The following ANO1 variants were observed in gnomAD, a reference collection of about 807,000 sequenced individuals.
ANO1 encodes anoctamin 1.
Under a neutral mutation model 124.0 loss-of-function variants are expected in ANO1, and 59 were observed. That is an observed-to-expected ratio of 0.48 (90% CI 0.39 to 0.59). ANO1 has a LOEUF of 0.59. Among genes scored for constraint, ANO1 ranks in the 20% least tolerant of loss-of-function variants. The probability of loss-of-function intolerance (pLI) is 0.00; values close to 1 mark genes in which losing one functional copy is unlikely to be tolerated. For missense variants in ANO1, 1,059 were observed against 1,328.0 expected (o/e 0.80, Z 3.15); for synonymous variants, 529 against 532.0 (o/e 0.99, Z 0.08).
chr11:70,107,724 A>T (rs2045614844), intron 5 of ANO1, among the ~76,000 whole-genome samples: 1 of 152,146 alleles, frequency 6.6e-6, no homozygotes, highest in African/African-American at 2.4e-5. Context: ...TTCCAGGCAG[A>T]CAGACTCCCA....
upstream of ANO1, among the ~76,000 whole-genome samples, chr11:70,073,904 C>T (rs2044020003): frequency 7.1e-6 from 1 of 140,130 alleles, no homozygotes; most frequent in South Asian, 2.3e-4. Context: ...CTTCGGCCGG[C>T]AGTTTCCGAG....
intron 1 of ANO1, chr11:70,085,395 AG>A (rs983892052): frequency 1.3e-6 from 2 of 1,495,300 alleles, no homozygotes; most frequent in African/African-American, 2.8e-5. Context: ...TTTGTCACAG[AG>A]GGCAAGGTGG....
At chr11:69,996,043 A>G (rs1856265543) in intron 1 of ANO1, among the ~76,000 whole-genome samples, 1 of 152,314 alleles carries the variant, frequency 6.6e-6, no homozygotes, top group South Asian at 2.1e-4. Context: ...CCCAGGAGGT[A>G]GAGGTTGCAG....
chr11:69,995,949 T>G (rs1340980290), intron 1 of ANO1, among the ~76,000 whole-genome samples: 2 of 152,122 alleles, frequency 1.3e-5, no homozygotes, highest in Non-Finnish European at 2.9e-5. Flanking sequence ...CTGTATCTAC[T>G]AAAAATAAAC....
At chr11:70,105,633 T>C in intron 4 of ANO1, 101 bp from the exon 5 acceptor site, 1 of 1,111,518 alleles carries the variant, frequency 9.0e-7, no homozygotes, top group Non-Finnish European at 1.4e-6. Context: ...CATTTCACGG[T>C]CACGGCTAAT....
In ANO1 at chr11:70,152,452, G is replaced by A. The variant is rs776175325; in HGVS notation, c.1344G>A (p.Glu448=). 1.9e-6 allele frequency: 3 copies of A among 1,612,864 alleles called. No homozygotes were observed. The Admixed American group carries it at 5.0e-5, about 27-fold the overall frequency. Residue 448 remains glutamate (E), a splice_region_variant and synonymous_variant, in exon 13 of 26, where the codon GAG becomes GAA. Transcript: ENST00000355303. ...WDLTGFEEEE[E]AVKDHPRAEY... is the part of the protein sequence containing the mutation. ...TTTACTTTTCTGGTTCCCTGAAGGA[G>A]GCTGTCAAGGTTTGGAACTTTTTGT...
intron 14 of ANO1, among the ~76,000 whole-genome samples, chr11:70,153,978 C>A (rs1314965860): frequency 2.0e-5 from 3 of 152,076 alleles, no homozygotes; most frequent in Non-Finnish European, 4.4e-5. Flanking sequence ...GTTGCCCAGG[C>A]TGGTCTCGAA....
intron 11 of ANO1, among the ~76,000 whole-genome samples, chr11:70,146,923 T>C (rs1033922519): frequency 2.0e-5 from 3 of 152,164 alleles, no homozygotes; most frequent in African/African-American, 7.2e-5. Flanking sequence ...GCAGAGGGGA[T>C]GGTGCCCACC....
chr11:70,143,804 T>G (rs988033781), intron 11 of ANO1, among the ~76,000 whole-genome samples: 1 of 152,208 alleles, frequency 6.6e-6, no homozygotes, highest in African/African-American at 2.4e-5. Context: ...GAATCTACGC[T>G]CATCATTCTA....
intron 1 of ANO1, chr11:70,085,757 C>G: frequency 1.4e-6 from 2 of 1,393,370 alleles, no homozygotes; most frequent in Non-Finnish European, 1.9e-6. Context: ...CACTCGAGGC[C>G]TTCCCTCCCC....
intron 24 of ANO1, 60 bp downstream of exon 24, chr11:70,182,746 G>C: frequency 7.5e-7 from 1 of 1,340,142 alleles, no homozygotes; most frequent in Admixed American, 3.2e-5. Flanking sequence ...GGGAGAGCCT[G>C]GGTTTGGACG....
chr11:70,001,633 G>A (rs1359317180), intron 1 of ANO1, among the ~76,000 whole-genome samples: 3 of 152,208 alleles, frequency 2.0e-5, no homozygotes, highest in Non-Finnish European at 1.5e-5. Context: ...GAATCCATGG[G>A]GATAGAAACC....
intron 11 of ANO1, among the ~76,000 whole-genome samples, chr11:70,135,189 C>T (rs993091696): frequency 4.4e-4 from 67 of 152,186 alleles, no homozygotes; most frequent in African/African-American, 1.5e-3. Context: ...TGATTTCATC[C>T]GTCTGTTTCC....
chr11:70,140,360 T>C (rs1192538394), intron 11 of ANO1, among the ~76,000 whole-genome samples: 1 of 152,018 alleles, frequency 6.6e-6, no homozygotes, highest in Non-Finnish European at 1.5e-5. Context: ...TGAAACCCCC[T>C]CTCTACTAAA....
chr11:70,156,276 T>C (rs1021100085), intron 15 of ANO1, among the ~76,000 whole-genome samples: 2 of 152,194 alleles, frequency 1.3e-5, no homozygotes, highest in Non-Finnish European at 2.9e-5. Flanking sequence ...CTCGTTAACA[T>C]GCATGCCACC....
chr11:70,111,879 C>A, intron 7 of ANO1, 117 bp downstream of exon 7: 1 of 1,092,840 alleles, frequency 9.2e-7, no homozygotes, highest in Non-Finnish European at 1.4e-6. Context: ...GCTTGGCTCT[C>A]GCTGTAAATG....
intron 1 of ANO1, among the ~76,000 whole-genome samples, chr11:70,049,316 C>A (rs1271227843): frequency 6.6e-6 from 1 of 152,218 alleles, no homozygotes; most frequent in Non-Finnish European, 1.5e-5. Flanking sequence ...GGTTTCAAAG[C>A]CTGACTCTGC....
chr11:70,055,767 G>A (rs964707217), intron 1 of ANO1, among the ~76,000 whole-genome samples: 1 of 151,908 alleles, frequency 6.6e-6, no homozygotes, highest in Non-Finnish European at 1.5e-5. Flanking sequence ...CGACTTTTCG[G>A]TTAATCAATT....
In ANO1 at chr11:70,136,273, G is replaced by A. The variant is rs554534259; in HGVS notation, c.1258+4194G>A. Among the ~76,000 whole-genome samples, 10 of 152,140 alleles carry A rather than the reference G, an allele frequency of 6.6e-5. 1 individual carries two copies. In the South Asian group the frequency reaches 1.9e-3, roughly 28 times the overall value. On this transcript the variant is annotated intron_variant, in intron 11 of 25. Transcript: ENST00000355303. Reference sequence around the variant, plus strand: ...AGGGGGCAGCAGCTCTGGGCTTGTCGGTCCCCTGTGGTTCTCAAACTCGGT... The same window carrying A: ...AGGGGGCAGCAGCTCTGGGCTTGTCAGTCCCCTGTGGTTCTCAAACTCGGT...
Sources: gnomAD v4.1 joint callset for allele counts (sites outside exome capture counted in the v4.1 genomes callset) on GRCh38, gnomAD v4.1.1 for gene constraint, MANE v1.5 for transcripts, NCBI Gene and HGNC (gene_info 2026-07-23, HGNC 2026-07-21) for gene names.